The following ME3 variants were observed in gnomAD, a reference collection of about 807,000 sequenced individuals.
ME3 encodes malic enzyme 3.
ME3 carries 48 observed loss-of-function variants against 68.9 expected under a neutral mutation model. The ratio of observed to expected loss-of-function variants is 0.70; its 90% CI spans 0.55 to 0.89. ME3 has a LOEUF of 0.89. Ranked by LOEUF, ME3 falls within the 40% of genes least tolerant of loss-of-function variation. The pLI, the probability that ME3 is intolerant of heterozygous loss-of-function variation, is 0.00. For missense variants in ME3, 675 were observed against 797.4 expected, an observed-to-expected ratio of 0.85 and a Z score of 1.85; for synonymous variants, 320 against 318.8, an observed-to-expected ratio of 1.00 and a Z score of -0.04.
chr11:86,597,976 G>T (rs755987661), intron 2 of ME3, among the ~76,000 whole-genome samples: 4 of 152,128 alleles, frequency 2.6e-5, no homozygotes, highest in Non-Finnish European at 5.9e-5. Flanking sequence ...AGCCAAGATG[G>T]CCGAATAGGA....
chr11:86,505,676 C>T (rs1953024372), intron 5 of ME3, among the ~76,000 whole-genome samples: 1 of 152,226 alleles, frequency 6.6e-6, no homozygotes, highest in Non-Finnish European at 1.5e-5. Context: ...TGTGTATAGA[C>T]TTTATCATAG....
chr11:86,537,588 G>T (rs1448526736), intron 4 of ME3, among the ~76,000 whole-genome samples: 1 of 152,158 alleles, frequency 6.6e-6, no homozygotes, highest in Non-Finnish European at 1.5e-5. Context: ...TATGCTACTA[G>T]GAAAGGCAAA....
chr11:86,520,604 T>A (rs1292669184), intron 4 of ME3, among the ~76,000 whole-genome samples: 1 of 152,174 alleles, frequency 6.6e-6, no homozygotes, highest in Non-Finnish European at 1.5e-5. Flanking sequence ...TAGGGCCCCT[T>A]GGCCCTGCCC....
intron 13 of ME3, among the ~76,000 whole-genome samples, chr11:86,445,760 C>T (rs1016465073): frequency 1.3e-5 from 2 of 151,962 alleles, no homozygotes; most frequent in Non-Finnish European, 2.9e-5. Context: ...CTCTTTTGTG[C>T]GCTTATCTAG....
chr11:86,560,746 G>GTATATATA (rs1456434091), intron 2 of ME3, among the ~76,000 whole-genome samples: 5 of 90,280 alleles, frequency 5.5e-5, no homozygotes, highest in Admixed American at 2.5e-4. Context: ...GTGTGTGTGT[G>GTATATATA]TGTATATATA....
rs1464302426 is a variant in ME3, at chr11:86,601,227, GA to G, written c.184-41405del. On this transcript the variant is annotated intron_variant, in intron 2 of 14. Transcript: ENST00000543262. The stretch of plus-strand genomic sequence containing the variant: ...CTAGCAAGACTAATAAAGAAAAAAA[GA>G]GAGAAGAATCAAATAGATGCAATAA... Among the ~76,000 whole-genome samples, 5 of 152,108 alleles carry G rather than the reference GA, an allele frequency of 3.3e-5. No individual in the cohort carries two copies. In the East Asian group the frequency reaches 9.6e-4, roughly 29 times the overall value.
chr11:86,656,278 T>C (rs903653816), intron 2 of ME3, among the ~76,000 whole-genome samples: 11 of 152,046 alleles, frequency 7.2e-5, no homozygotes, highest in Non-Finnish European at 1.5e-4. Context: ...TAAATCATGC[T>C]GCTATAAAGA....
chr11:86,579,313 A>G (rs575338123), intron 2 of ME3, among the ~76,000 whole-genome samples: 23 of 152,176 alleles, frequency 1.5e-4, no homozygotes, highest in Non-Finnish European at 3.1e-4. Context: ...TGCAGGTCCA[A>G]ACTTGCCCAT....
chr11:86,435,579 G>A, the ME3 span: 1 of 152,206 alleles, frequency 6.6e-6, no homozygotes, highest in East Asian at 1.9e-4. Flanking sequence ...GCAACAAATT[G>A]GAAAATTAAG....
In ME3 at chr11:86,560,756, A is replaced by G. The variant is rs796472943; in HGVS notation, c.184-933T>C. On this transcript the variant is annotated intron_variant, in intron 2 of 14. Coordinates refer to ENST00000543262, the Ensembl canonical transcript of ME3. ...TGTGTGTGTGTGTGTGTGTATATAT[A>G]TATATATATATATATATTTCCAGGA... is the stretch of plus-strand genomic sequence containing the variant. Among the ~76,000 whole-genome samples the G allele has an allele frequency of 4.7e-3, 510 of 108,614 alleles. 11 individuals carry two copies. Among genetic ancestry groups the G allele is most frequent in the East Asian group, 0.013 (30 of 2,282 alleles). 71.3% of individuals were successfully genotyped at this position (108,614 alleles called of 152,430 possible). A position where few individuals can be genotyped will look rare whatever the true frequency, so the allele number is the denominator to read the frequency against.
chr11:86,484,255 G>A (rs1460101047), intron 7 of ME3, among the ~76,000 whole-genome samples: 1 of 141,984 alleles, frequency 7.0e-6, no homozygotes, highest in African/African-American at 2.5e-5. Flanking sequence ...GAAAGCAGGA[G>A]TCAACATTTC....
chr11:86,623,220 A>G (rs1334504404), intron 2 of ME3, among the ~76,000 whole-genome samples: 1 of 152,198 alleles, frequency 6.6e-6, no homozygotes, highest in African/African-American at 2.4e-5. Context: ...AAAAAGGCAG[A>G]GGAAGGGTGC....
chr11:86,466,514 T>C (rs994141969), intron 7 of ME3, among the ~76,000 whole-genome samples: 1 of 151,988 alleles, frequency 6.6e-6, no homozygotes, highest in Non-Finnish European at 1.5e-5. Flanking sequence ...TTTATTACCT[T>C]GTTAGAGAAG....
At chr11:86,506,429 T>G (rs1953079110) in intron 5 of ME3, among the ~76,000 whole-genome samples, 1 of 152,214 alleles carries the variant, frequency 6.6e-6, no homozygotes, top group South Asian at 2.1e-4. Flanking sequence ...AGTCCATGTT[T>G]TTCTCATTTT....
chr11:86,465,092 T>C, exon 8 of ME3: 1 of 1,610,084 alleles, frequency 6.2e-7, no homozygotes, highest in South Asian at 1.1e-5. Flanking sequence ...GAAACCTACC[T>C]TGGATGTCAT....
At chr11:86,574,567 G>A (rs1004554169) in intron 2 of ME3, among the ~76,000 whole-genome samples, 14 of 152,202 alleles carry the variant, frequency 9.2e-5, no homozygotes, top group African/African-American at 3.4e-4. Context: ...GGAGGTTGCA[G>A]ATCAGCAAAG....
intron 4 of ME3, among the ~76,000 whole-genome samples, chr11:86,532,798 G>A (rs879683005): frequency 2.6e-5 from 4 of 152,304 alleles, no homozygotes; most frequent in African/African-American, 2.4e-5. Flanking sequence ...GGTGGCTTAC[G>A]CCTGTAACCC....
the ME3 span, chr11:86,435,942 C>G: frequency 2.0e-5 from 3 of 152,242 alleles, no homozygotes; most frequent in Admixed American, 1.3e-4. Flanking sequence ...CAGTCGAGGG[C>G]AATTCCTAGA....
chr11:86,602,823 A>C (rs1031074994), intron 2 of ME3, among the ~76,000 whole-genome samples: 3 of 152,220 alleles, frequency 2.0e-5, no homozygotes, highest in African/African-American at 7.2e-5. Context: ...GATCTTTGAC[A>C]AACCTGAGAA....
Sources: allele counts gnomAD v4.1 joint callset (sites outside exome capture counted in the v4.1 genomes callset), GRCh38; gene constraint gnomAD v4.1.1; transcripts MANE v1.5; gene names NCBI Gene and HGNC (gene_info 2026-07-23, HGNC 2026-07-21).